The following NRG3 variants were observed in gnomAD, a reference collection of about 807,000 sequenced individuals.
NRG3 encodes the protein neuregulin 3.
In NRG3, 31 loss-of-function variants were observed where a neutral mutation model predicts 66.9. That is an observed-to-expected ratio of 0.46 (90% CI 0.35 to 0.63). NRG3 has a LOEUF of 0.63. Ranked by LOEUF, NRG3 falls within the 20% of genes least tolerant of loss-of-function variation. The probability of loss-of-function intolerance (pLI) is 0.00; values close to 1 mark genes in which losing one functional copy is unlikely to be tolerated. For synonymous variants in NRG3, 393 were observed against 359.4 expected (o/e 1.09, Z -1.06); for missense variants, 910 against 878.9 (o/e 1.04, Z -0.45).
chr10:82,718,825 A>T (rs767753924), intron 2 of NRG3, among the ~76,000 whole-genome samples: 7 of 152,218 alleles, frequency 4.6e-5, no homozygotes, highest in Non-Finnish European at 7.3e-5. Flanking sequence ...AGTACTAATT[A>T]TAAAATTGAC....
At chr10:82,783,651 G>A (rs980345541) in intron 3 of NRG3, among the ~76,000 whole-genome samples, 9 of 152,044 alleles carry the variant, frequency 5.9e-5, no homozygotes, top group Non-Finnish European at 1.2e-4. Flanking sequence ...AACTTACAAG[G>A]GACGTGAAGG....
At chr10:82,598,296 A>G (rs1305780878) in intron 2 of NRG3, among the ~76,000 whole-genome samples, 5 of 152,212 alleles carry the variant, frequency 3.3e-5, no homozygotes, top group Non-Finnish European at 5.9e-5. Context: ...GCCTGCAGAT[A>G]AGCAATCCAA....
intron 1 of NRG3, among the ~76,000 whole-genome samples, chr10:81,916,942 C>A (rs1382605037): frequency 6.6e-6 from 1 of 152,148 alleles, no homozygotes; most frequent in Non-Finnish European, 1.5e-5. Flanking sequence ...TGTAAATACA[C>A]TGATGTTAAG....
chr10:82,091,874 G>T (rs1426322867), intron 1 of NRG3, among the ~76,000 whole-genome samples: 1 of 152,074 alleles, frequency 6.6e-6, no homozygotes, highest in Non-Finnish European at 1.5e-5. Flanking sequence ...CAGTAAGTTG[G>T]ATTTGCACTT....
At chr10:82,035,125 T>A (rs2062741390) in intron 1 of NRG3, among the ~76,000 whole-genome samples, 1 of 152,044 alleles carries the variant, frequency 6.6e-6, no homozygotes, top group Non-Finnish European at 1.5e-5. Context: ...TGCTTCCAGA[T>A]AGACTCGCCC....
intron 3 of NRG3, among the ~76,000 whole-genome samples, chr10:82,771,244 C>G (rs557060850): frequency 2.0e-4 from 30 of 152,186 alleles, no homozygotes; most frequent in Non-Finnish European, 4.3e-4. Flanking sequence ...TTGACATGCT[C>G]TTAATGAACT....
intron 4 of NRG3, among the ~76,000 whole-genome samples, chr10:82,872,437 G>A (rs1188440235): frequency 2.0e-5 from 3 of 152,042 alleles, no homozygotes. Context: ...TACTCTCAAT[G>A]ACCAGCTCTA....
At chr10:82,402,160 G>A (rs938678256) in intron 2 of NRG3, among the ~76,000 whole-genome samples, 2 of 151,632 alleles carry the variant, frequency 1.3e-5, no homozygotes, top group Non-Finnish European at 2.9e-5. Flanking sequence ...TATCATAAGA[G>A]GCATATCTAT....
chr10:82,235,024 A>T (rs2076687343), intron 1 of NRG3, among the ~76,000 whole-genome samples: 1 of 152,244 alleles, frequency 6.6e-6, no homozygotes, highest in Non-Finnish European at 1.5e-5. Flanking sequence ...TTTGTGTGTG[A>T]CATATCCTAA....
rs573091126 is a variant in NRG3 at position 82,475,391 on chromosome 10, A to G, written c.953+116523A>G. 3.3e-5 allele frequency among the ~76,000 whole-genome samples: 5 copies of G among 152,218 alleles called. No homozygotes were observed. In the South Asian group the frequency reaches 1.0e-3, roughly 32 times the overall value. ...AATTCCTAAAAACATACAACCTACT[A>G]AGACTGAATCATAAAGACATAGAAA... is the stretch of plus-strand genomic sequence containing the variant. On this transcript the variant is annotated intron_variant, in intron 2 of 8. Coordinates refer to ENST00000372141, the MANE Select transcript of NRG3 (RefSeq NM_001010848.4).
chr10:82,969,272 A>G (rs2132542095), intron 6 of NRG3, among the ~76,000 whole-genome samples: 1 of 152,320 alleles, frequency 6.6e-6, no homozygotes, highest in South Asian at 2.1e-4. Context: ...TATTAGATAA[A>G]AAAAGATATG....
At chr10:82,615,927 G>A (rs574646323) in intron 2 of NRG3, among the ~76,000 whole-genome samples, 1 of 152,260 alleles carries the variant, frequency 6.6e-6, no homozygotes, top group South Asian at 2.1e-4. Context: ...AGACAAAAAG[G>A]CTAGTAAGAA....
At chr10:82,473,463 A>C (rs1841464967) in intron 2 of NRG3, among the ~76,000 whole-genome samples, 1 of 151,538 alleles carries the variant, frequency 6.6e-6, no homozygotes, top group African/African-American at 2.4e-5. Flanking sequence ...ACATGAAAAC[A>C]AACAAACAAA....
chr10:82,590,668 T>C (rs1233210829), intron 2 of NRG3, among the ~76,000 whole-genome samples: 1 of 152,196 alleles, frequency 6.6e-6, no homozygotes, highest in Non-Finnish European at 1.5e-5. Context: ...GCACCTGTGC[T>C]CAGCTTGGGC....
chr10:82,978,083 G>C (rs976781429), intron 7 of NRG3, among the ~76,000 whole-genome samples: 1 of 152,080 alleles, frequency 6.6e-6, no homozygotes, highest in Non-Finnish European at 1.5e-5. Flanking sequence ...CTAGCATCTC[G>C]TGGAATGTCT....
chr10:82,745,271 T>C (rs2058596276), intron 3 of NRG3, among the ~76,000 whole-genome samples: 1 of 152,064 alleles, frequency 6.6e-6, no homozygotes, highest in African/African-American at 2.4e-5. Context: ...TATGCTAGAG[T>C]GTGAAGGGCC....
rs190992862 is a variant in NRG3, at chr10:82,675,079, C to G, written c.954-63498C>G. Among the ~76,000 whole-genome samples the G allele has an allele frequency of 5.8e-3, 878 of 152,122 alleles. 7 individuals are homozygous for G. The highest frequency in any genetic ancestry group is 0.021 in the African/African-American group (854 of 41,508). ...GTTCAAGCGATTCTTCCTCCCCAAC[C>G]CCCTGAGTAGCTGGGATTACAGGCA... On this transcript the variant is annotated intron_variant, in intron 2 of 8. Transcript: ENST00000372141.
chr10:82,263,291 TG>T (rs1030377584), intron 1 of NRG3, among the ~76,000 whole-genome samples: 13 of 152,190 alleles, frequency 8.5e-5, no homozygotes, highest in Admixed American at 7.9e-4. Context: ...ACTCAAGGGA[TG>T]GGCAAGAGAA....
intron 1 of NRG3, among the ~76,000 whole-genome samples, chr10:82,078,214 A>G (rs1179633814): frequency 2.0e-5 from 3 of 152,192 alleles, no homozygotes; most frequent in Admixed American, 6.5e-5. Context: ...GTCATGGAGG[A>G]CAATGATCTA....
Sources: gnomAD v4.1 joint callset for allele counts (sites outside exome capture counted in the v4.1 genomes callset) on GRCh38, gnomAD v4.1.1 for gene constraint, MANE v1.5 for transcripts, NCBI Gene and HGNC (gene_info 2026-07-23, HGNC 2026-07-21) for gene names.